THSD7B: variants seen among roughly 807,000 people sequenced by gnomAD.
THSD7B encodes the protein thrombospondin type-1 domain-containing protein 7B.
THSD7B carries 138 observed loss-of-function variants against 213.6 expected under a neutral mutation model. The ratio of observed to expected loss-of-function variants is 0.65; its 90% CI spans 0.56 to 0.74. The LOEUF (loss-of-function observed/expected upper bound fraction) is 0.74. Ranked by LOEUF, THSD7B falls within the 30% of genes least tolerant of loss-of-function variation. The pLI is 0.00. For synonymous variants in THSD7B, 742 were observed against 687.0 expected (o/e 1.08, Z -1.25); for missense variants, 1,931 against 1,991.5 (o/e 0.97, Z 0.58).
intron 5 of THSD7B, among the ~76,000 whole-genome samples, chr2:137,156,588 G>A (rs1679913173): frequency 1.3e-5 from 2 of 152,078 alleles, no homozygotes. Context: ...TTATCAAAGG[G>A]GACTCAGGGG....
At chr2:137,597,435 G>A (rs1164606644) in intron 17 of THSD7B, among the ~76,000 whole-genome samples, 1 of 150,258 alleles carries the variant, frequency 6.7e-6, no homozygotes, top group African/African-American at 2.5e-5. Context: ...ACGGTCCAAT[G>A]GGCAAAAGAA....
At chr2:137,415,799 C>T (rs58375661) in intron 14 of THSD7B, among the ~76,000 whole-genome samples, 12,621 of 150,836 alleles carry the variant, frequency 0.084, 1,100 homozygotes, top group African/African-American at 0.22. Context: ...AATATCCCCT[C>T]ATATCAAGTC....
At chr2:137,438,982 A>G (rs927504233) in intron 14 of THSD7B, among the ~76,000 whole-genome samples, 6 of 152,076 alleles carry the variant, frequency 3.9e-5, no homozygotes, top group Non-Finnish European at 8.8e-5. Context: ...GGAAACAACC[A>G]TGAGAAGATG....
At chr2:137,232,844 A>G in intron 8 of THSD7B, 55 bp from the exon 9 acceptor site, 1 of 1,555,574 alleles carries the variant, frequency 6.4e-7, no homozygotes, top group Non-Finnish European at 8.8e-7. Flanking sequence ...AGCAGAAACA[A>G]CAAAAACAAG....
At chr2:137,006,689 G>A (rs1467875184) in intron 2 of THSD7B, among the ~76,000 whole-genome samples, 6 of 152,008 alleles carry the variant, frequency 3.9e-5, no homozygotes, top group African/African-American at 2.4e-5. Context: ...CCAAGTTAAC[G>A]CTGCAACAAA....
At chr2:137,546,633 T>C (rs1680746951) in intron 15 of THSD7B, among the ~76,000 whole-genome samples, 1 of 146,098 alleles carries the variant, frequency 6.8e-6, no homozygotes, top group Non-Finnish European at 1.5e-5. Context: ...ACAGAAAATA[T>C]GGTTTTCTGG....
In THSD7B at chr2:137,232,983, C is replaced by T. The variant is rs372735350; in HGVS notation, c.2000C>T (p.Thr667Ile). 3.1e-6 allele frequency: 5 copies of T among 1,613,856 alleles called. No homozygotes were observed. Among genetic ancestry groups the T allele is most frequent in the Non-Finnish European group, 4.2e-6 (5 of 1,179,856 alleles). The part of the protein sequence containing the change: ...DHSCMQLHWE[T>I]SPWGPCSEDT... Reference sequence around the variant, plus strand: ...TCCTGTATGCAGCTTCACTGGGAGACATCGCCTTGGGGCCCTTGTTCTGAG... The same window carrying T: ...TCCTGTATGCAGCTTCACTGGGAGATATCGCCTTGGGGCCCTTGTTCTGAG... Residue 667 changes from threonine to isoleucine, a missense_variant, in exon 9 of 28, where the codon ACA becomes ATA. Thr to Ile is a moderately conservative substitution (Grantham distance 89, BLOSUM62 -1). Coordinates refer to ENST00000409968, the MANE Select transcript of THSD7B (RefSeq NM_001316349.2).
At chr2:137,266,665 G>A (rs1682597162) in intron 10 of THSD7B, among the ~76,000 whole-genome samples, 1 of 152,136 alleles carries the variant, frequency 6.6e-6, no homozygotes. Context: ...TTAGAATTCT[G>A]CAGGTTGCTG....
chr2:137,372,381 A>C (rs1187282869), intron 12 of THSD7B, among the ~76,000 whole-genome samples: 1 of 136,268 alleles, frequency 7.3e-6, no homozygotes, highest in Non-Finnish European at 1.5e-5. Context: ...TCTGAGCCAA[A>C]TGTTAGCAAC....
chr2:137,238,515 G>T, intron 9 of THSD7B, among the ~76,000 whole-genome samples: 1 of 131,930 alleles, frequency 7.6e-6, no homozygotes, highest in African/African-American at 2.8e-5. Flanking sequence ...ACTATATCCT[G>T]ATAATGACAC....
rs764425266 is a variant in THSD7B, at chr2:137,563,230, G to A, written c.3148G>A (p.Ala1050Thr). ...KLDLKNQVHEAVPCYSECNQY... is the reference protein window; with the variant it reads ...KLDLKNQVHETVPCYSECNQY... ...TTCCTGTTCTTGACAGGTACATGAG[G>A]CAGTCCCATGTTACAGTGAGTGCAA... The change falls in exon 16 of 28, where the codon GCA (alanine) becomes ACA (threonine). Residue 1050 changes from alanine (A) to threonine (T), a missense_variant. Physicochemically the swap from Ala to Thr is moderately conservative, Grantham distance 58. Coordinates refer to ENST00000409968, the MANE Select transcript of THSD7B (RefSeq NM_001316349.2). The A allele has an allele frequency of 6.2e-7, 1 of 1,613,104 alleles. No individual in the cohort carries two copies. Among genetic ancestry groups the A allele is most frequent in the South Asian group, 1.1e-5 (1 of 91,014 alleles).
At chr2:137,534,377 T>G (rs1680462469) in intron 15 of THSD7B, among the ~76,000 whole-genome samples, 1 of 151,650 alleles carries the variant, frequency 6.6e-6, no homozygotes, top group Non-Finnish European at 1.5e-5. Flanking sequence ...CAACCATAAG[T>G]TGCACTCAGA....
intron 1 of THSD7B, among the ~76,000 whole-genome samples, chr2:136,869,291 C>T (rs1683392466): frequency 6.6e-6 from 1 of 152,154 alleles, no homozygotes. Context: ...AATTCAGAGA[C>T]TCAAACCAAG....
chr2:136,867,387 G>T (rs1683349973), intron 1 of THSD7B, among the ~76,000 whole-genome samples: 1 of 152,132 alleles, frequency 6.6e-6, no homozygotes, highest in Non-Finnish European at 1.5e-5. Context: ...AGTTCACCAA[G>T]GACAAGCATG....
intron 17 of THSD7B, among the ~76,000 whole-genome samples, chr2:137,586,766 G>C (rs755064231): frequency 1.3e-5 from 2 of 152,082 alleles, no homozygotes; most frequent in African/African-American, 2.4e-5. Context: ...GCTGCCCTTA[G>C]CATTTTTACC....
chr2:137,309,372 A>C (rs1683835011), intron 12 of THSD7B, among the ~76,000 whole-genome samples: 1 of 151,812 alleles, frequency 6.6e-6, no homozygotes, highest in Non-Finnish European at 1.5e-5. Context: ...ACTGTGGATA[A>C]TAAGCCTTTT....
chr2:137,355,922 A>G (rs1178176909), intron 12 of THSD7B, among the ~76,000 whole-genome samples: 1 of 152,174 alleles, frequency 6.6e-6, no homozygotes, highest in Admixed American at 6.5e-5. Context: ...CTTAAGGGAT[A>G]TGCTTCTTTG....
chr2:137,330,392 T>C (rs533484721), intron 12 of THSD7B, among the ~76,000 whole-genome samples: 1 of 152,248 alleles, frequency 6.6e-6, no homozygotes, highest in Non-Finnish European at 1.5e-5. Flanking sequence ...TCTGTGAAAG[T>C]GTGTCCGTAA....
chr2:137,255,074 A>G (rs1299793174), intron 10 of THSD7B, among the ~76,000 whole-genome samples: 3 of 152,238 alleles, frequency 2.0e-5, no homozygotes, highest in Non-Finnish European at 2.9e-5. Flanking sequence ...AATATAAAAT[A>G]ACATTATATA....
Sources: gnomAD v4.1 joint callset for allele counts (sites outside exome capture counted in the v4.1 genomes callset) on GRCh38, gnomAD v4.1.1 for gene constraint, MANE v1.5 for transcripts, NCBI Gene and HGNC (gene_info 2026-07-23, HGNC 2026-07-21) for gene names.